ZHX2: variants seen among roughly 807,000 people sequenced by gnomAD.
The protein encoded by ZHX2 is zinc fingers and homeoboxes protein 2.
ZHX2 carries 6 observed loss-of-function variants against 21.9 expected under a neutral mutation model. That is an observed-to-expected ratio of 0.27 (90% CI 0.15 to 0.54). ZHX2 has a LOEUF of 0.54. Among genes scored for constraint, ZHX2 ranks in the 20% least tolerant of loss-of-function variants. The probability of loss-of-function intolerance (pLI) is 0.95; values close to 1 mark genes in which losing one functional copy is unlikely to be tolerated. For missense variants in ZHX2, 908 were observed against 1,090.7 expected, an observed-to-expected ratio of 0.83 and a Z score of 2.36; for synonymous variants, 434 against 437.1, an observed-to-expected ratio of 0.99 and a Z score of 0.09.
At chr8:122,954,360 T>C (rs1449260943) in intron 3 of ZHX2, among the ~76,000 whole-genome samples, 2 of 152,128 alleles carry the variant, frequency 1.3e-5, no homozygotes, top group African/African-American at 4.8e-5. Flanking sequence ...CAGGCTGCAG[T>C]GCAGTGGCTC....
At chr8:122,786,440 C>T (rs1156814191) in intron 1 of ZHX2, among the ~76,000 whole-genome samples, 1 of 152,170 alleles carries the variant, frequency 6.6e-6, no homozygotes, top group African/African-American at 2.4e-5. Context: ...ACCTTTATGA[C>T]TTTGAGCTGT....
chr8:122,957,608 C>T (rs1014014161), intron 3 of ZHX2, among the ~76,000 whole-genome samples: 11 of 152,180 alleles, frequency 7.2e-5, no homozygotes, highest in African/African-American at 2.7e-4. Context: ...GCTGGAACTA[C>T]AGGCACGTGC....
chr8:122,932,517 C>A (rs750168874), intron 2 of ZHX2, among the ~76,000 whole-genome samples: 34 of 152,158 alleles, frequency 2.2e-4, no homozygotes, highest in Non-Finnish European at 4.1e-4. Context: ...CCTTCTCCTT[C>A]GTAGTCAAAA....
At chr8:122,785,085 GA>G (rs1321748568) in intron 1 of ZHX2, among the ~76,000 whole-genome samples, 5 of 152,220 alleles carry the variant, frequency 3.3e-5, no homozygotes, top group Non-Finnish European at 7.3e-5. Flanking sequence ...CTATGATTGA[GA>G]AAACTAACCA....
chr8:122,839,473 T>G (rs2130704975), intron 1 of ZHX2, among the ~76,000 whole-genome samples: 1 of 152,144 alleles, frequency 6.6e-6, no homozygotes, highest in African/African-American at 2.4e-5. Flanking sequence ...CTCCAAGGGG[T>G]CCTCCCTGTT....
At chr8:122,944,782 G>A (rs763356344) in intron 2 of ZHX2, among the ~76,000 whole-genome samples, 1 of 152,168 alleles carries the variant, frequency 6.6e-6, no homozygotes, top group Non-Finnish European at 1.5e-5. Flanking sequence ...CCCAACAGTT[G>A]TAGGATGCAT....
At chr8:122,910,168 G>C (rs144348721) in intron 2 of ZHX2, among the ~76,000 whole-genome samples, 264 of 151,584 alleles carry the variant, frequency 1.7e-3, no homozygotes, top group African/African-American at 6.0e-3. Flanking sequence ...CAAAAGACTA[G>C]AGGGACCTAG....
At chr8:122,928,075 T>C (rs1280115242) in intron 2 of ZHX2, among the ~76,000 whole-genome samples, 1 of 152,144 alleles carries the variant, frequency 6.6e-6, no homozygotes, top group Admixed American at 6.6e-5. Context: ...GCACTATCAG[T>C]ACTTCTGTTT....
At chr8:122,841,790 C>T (rs375435870) in intron 1 of ZHX2, among the ~76,000 whole-genome samples, 1 of 152,120 alleles carries the variant, frequency 6.6e-6, no homozygotes, top group Non-Finnish European at 1.5e-5. Flanking sequence ...GTATTTGAGC[C>T]GCTAAGCGTC....
At chr8:122,935,359 A>G (rs1426537356) in intron 2 of ZHX2, among the ~76,000 whole-genome samples, 1 of 152,134 alleles carries the variant, frequency 6.6e-6, no homozygotes, top group Non-Finnish European at 1.5e-5. Context: ...ATTTTTAATA[A>G]TAACTGAATA....
intron 2 of ZHX2, among the ~76,000 whole-genome samples, chr8:122,942,313 T>C (rs1406075385): frequency 6.6e-6 from 1 of 152,142 alleles, no homozygotes; most frequent in Non-Finnish European, 1.5e-5. Flanking sequence ...AGGCAGAATC[T>C]GTTAACAGCC....
At chr8:122,850,247 G>C (rs1396515184) in intron 1 of ZHX2, among the ~76,000 whole-genome samples, 1 of 152,194 alleles carries the variant, frequency 6.6e-6, no homozygotes, top group South Asian at 2.1e-4. Flanking sequence ...ATGTTTTGAT[G>C]GGTGTGAGTG....
chr8:122,846,681 G>C (rs1241346437), intron 1 of ZHX2, among the ~76,000 whole-genome samples: 1 of 151,606 alleles, frequency 6.6e-6, no homozygotes, highest in East Asian at 1.9e-4. Flanking sequence ...GCTTCTGAAA[G>C]GATGAAGCCT....
intron 2 of ZHX2, among the ~76,000 whole-genome samples, chr8:122,900,725 ATAGTACCACTGAG>A (rs1820209900): frequency 6.6e-6 from 1 of 152,210 alleles, no homozygotes; most frequent in African/African-American, 2.4e-5. Context: ...ATGAGGTCAC[ATAGTACCACTGAG>A]TATGCTCAAG....
At chr8:122,813,508 C>T (rs1817972285) in intron 1 of ZHX2, among the ~76,000 whole-genome samples, 1 of 152,194 alleles carries the variant, frequency 6.6e-6, no homozygotes, top group Admixed American at 6.5e-5. Context: ...GATGCCATGT[C>T]TTATCCCCTC....
rs1162742621 is a variant in ZHX2 at position 122,880,240 on chromosome 8, C to T, written c.-220+16701C>T. 2.6e-5 allele frequency among the ~76,000 whole-genome samples: 4 copies of T among 152,022 alleles called. No individual in the cohort carries two copies. The East Asian group carries it at 7.8e-4, about 30-fold the overall frequency. On this transcript the variant is annotated intron_variant, in intron 2 of 3. Transcript: ENST00000314393. ...TCACCCGCCTCAGCCTCCCAAAGTG[C>T]TGGGATTACAGGCATGAGCCACTGC...
intron 2 of ZHX2, among the ~76,000 whole-genome samples, chr8:122,869,760 G>C (rs1055087731): frequency 1.3e-5 from 2 of 152,212 alleles, no homozygotes; most frequent in Non-Finnish European, 2.9e-5. Context: ...TCCTCAGTTA[G>C]AATCTCAGCT....
At chr8:122,810,003 A>G (rs1398361821) in intron 1 of ZHX2, among the ~76,000 whole-genome samples, 2 of 152,142 alleles carry the variant, frequency 1.3e-5, no homozygotes, top group African/African-American at 4.8e-5. Flanking sequence ...ATAAGCCCCT[A>G]TAGTGCTTGA....
intron 1 of ZHX2, among the ~76,000 whole-genome samples, chr8:122,841,406 CA>C (rs1336171877): frequency 1.3e-5 from 2 of 152,154 alleles, no homozygotes; most frequent in African/African-American, 4.8e-5. Flanking sequence ...TCTCCCTATC[CA>C]CCACTTCCTG....
Sources: allele counts gnomAD v4.1 joint callset (sites outside exome capture counted in the v4.1 genomes callset), GRCh38; gene constraint gnomAD v4.1.1; transcripts MANE v1.5; gene names NCBI Gene and HGNC (gene_info 2026-07-23, HGNC 2026-07-21).